The following SDK1 variants were observed in gnomAD, a reference collection of about 807,000 sequenced individuals.
SDK1 encodes protein sidekick-1.
SDK1 carries 157 observed loss-of-function variants against 245.5 expected under a neutral mutation model. The ratio of observed to expected loss-of-function variants is 0.64; its 90% CI spans 0.56 to 0.73. The LOEUF (loss-of-function observed/expected upper bound fraction) is 0.73, where lower values mean the gene tolerates loss of function less well. SDK1 is among the 30% of genes least tolerant of loss of function. The pLI is 0.00. For missense variants in SDK1, 3,583 were observed against 3,002.3 expected (o/e 1.19, Z -4.52); for synonymous variants, 1,647 against 1,278.5 (o/e 1.29, Z -6.15).
intron 17 of SDK1, among the ~76,000 whole-genome samples, chr7:4,029,987 T>C (rs1014483855): frequency 1.3e-5 from 2 of 152,210 alleles, no homozygotes; most frequent in Admixed American, 1.3e-4. Flanking sequence ...TTATAACACT[T>C]GGGGTTTACA....
chr7:3,812,837 C>A (rs1025218675), intron 4 of SDK1, among the ~76,000 whole-genome samples: 1 of 152,240 alleles, frequency 6.6e-6, no homozygotes, highest in Non-Finnish European at 1.5e-5. Flanking sequence ...TTGCCCAGGA[C>A]TTCTTGGTCT....
In SDK1 at chr7:3,723,611, G is replaced by A. The variant is rs542859789; in HGVS notation, c.713+81506G>A. ...AGTATATGTTGTTTTCTTTAATGAA[G>A]TTTAAAGAATTGGAAGAAGACATTT... On this transcript the variant is annotated intron_variant, in intron 4 of 44. Transcript: ENST00000404826. 1.1e-3 allele frequency among the ~76,000 whole-genome samples: 172 copies of A among 151,888 alleles called. 1 individual carries two copies. Among genetic ancestry groups the A allele is most frequent in the African/African-American group, 3.9e-3 (161 of 41,360 alleles).
intron 1 of SDK1, among the ~76,000 whole-genome samples, chr7:3,421,965 T>C (rs540661614): frequency 1.4e-4 from 21 of 151,928 alleles, no homozygotes; most frequent in African/African-American, 4.8e-4. Flanking sequence ...AGTCCAGGAG[T>C]TGTGAGATTC....
intron 44 of SDK1, among the ~76,000 whole-genome samples, chr7:4,252,229 C>A (rs561009825): frequency 1.4e-5 from 2 of 147,402 alleles, no homozygotes; most frequent in East Asian, 2.0e-4. Context: ...CACAACAGGC[C>A]CCAGTGTGTG....
chr7:3,448,717 CCTTT>C (rs1780420114), intron 1 of SDK1, among the ~76,000 whole-genome samples: 1 of 151,968 alleles, frequency 6.6e-6, no homozygotes, highest in Admixed American at 6.6e-5. Flanking sequence ...AATAAACCAC[CCTTT>C]CTTTCTGAAT....
rs545398474 is a variant in SDK1, at chr7:4,208,934, T to A, written c.5401+649T>A. Among the ~76,000 whole-genome samples, 7 of 152,356 alleles carry A rather than the reference T, an allele frequency of 4.6e-5. No homozygotes were observed. In the East Asian group the frequency reaches 1.2e-3, roughly 25 times the overall value. On this transcript the variant is annotated intron_variant, in intron 37 of 44. Transcript: ENST00000404826. ...TGTGAAGCTGCTTGGCCTTGGGCTC[T>A]GAGGAGCTCTCCAAGGCCCTCTGTA... is the stretch of plus-strand genomic sequence containing the variant.
intron 1 of SDK1, among the ~76,000 whole-genome samples, chr7:3,357,326 GTGTTTTTTTTTTTT>G (rs1402904180): frequency 0.12 from 5,743 of 49,574 alleles, 558 homozygotes; most frequent in Middle Eastern, 0.15. Context: ...CCTTCTTTTA[GTGTTTTTTTTTTTT>G]TTTTTTTTTT....
At chr7:3,572,875 A>G (rs1196047123) in intron 1 of SDK1, among the ~76,000 whole-genome samples, 3 of 152,092 alleles carry the variant, frequency 2.0e-5, no homozygotes, top group Non-Finnish European at 4.4e-5. Context: ...GGAGGAAGAG[A>G]TTCCTGGAAG....
At chr7:3,968,234 C>T (rs747521319) in intron 10 of SDK1, among the ~76,000 whole-genome samples, 1 of 152,200 alleles carries the variant, frequency 6.6e-6, no homozygotes, top group Non-Finnish European at 1.5e-5. Flanking sequence ...GACGCTTCAG[C>T]CCACTGTGGG....
At chr7:4,211,059 C>G (rs1218366096) in intron 38 of SDK1, among the ~76,000 whole-genome samples, 1 of 152,148 alleles carries the variant, frequency 6.6e-6, no homozygotes, top group Non-Finnish European at 1.5e-5. Context: ...GGCCACAGCA[C>G]ACGGGGCTAT....
chr7:3,613,940 A>G (rs946098614), intron 1 of SDK1, among the ~76,000 whole-genome samples: 5 of 152,166 alleles, frequency 3.3e-5, no homozygotes, highest in African/African-American at 1.2e-4. Context: ...ACATGGACAC[A>G]GAGAGGGGAA....
chr7:3,539,958 C>T (rs185038896), intron 1 of SDK1, among the ~76,000 whole-genome samples: 41 of 152,296 alleles, frequency 2.7e-4, no homozygotes, highest in Middle Eastern at 6.8e-3. Context: ...TGACATACCT[C>T]CTAATTTTTT....
chr7:3,450,132 G>A (rs1400299629), intron 1 of SDK1, among the ~76,000 whole-genome samples: 1 of 152,236 alleles, frequency 6.6e-6, no homozygotes, highest in African/African-American at 2.4e-5. Flanking sequence ...ATGGAAATGT[G>A]TGTGGTAAAG....
chr7:3,359,090 G>A (rs1423346660), intron 1 of SDK1, among the ~76,000 whole-genome samples: 6 of 152,164 alleles, frequency 3.9e-5, no homozygotes, highest in Non-Finnish European at 7.3e-5. Flanking sequence ...GAGACACAGC[G>A]TTAGTTTAAG....
chr7:4,148,306 A>G (rs980649308), intron 29 of SDK1, among the ~76,000 whole-genome samples: 4 of 152,216 alleles, frequency 2.6e-5, no homozygotes, highest in Non-Finnish European at 5.9e-5. Flanking sequence ...AGAATCAATA[A>G]TCTTCATGAT....
intron 4 of SDK1, among the ~76,000 whole-genome samples, chr7:3,716,865 G>A (rs1403663657): frequency 6.6e-6 from 1 of 151,746 alleles, no homozygotes; most frequent in East Asian, 1.9e-4. Context: ...ACAGAAAGAA[G>A]AAAATGATCA....
chr7:3,441,818 A>C (rs1204138493), intron 1 of SDK1, among the ~76,000 whole-genome samples: 1 of 152,172 alleles, frequency 6.6e-6, no homozygotes, highest in Non-Finnish European at 1.5e-5. Context: ...CTGCGTTTAA[A>C]ATGTAAACCA....
At chr7:3,346,213 C>T (rs867600470) in intron 1 of SDK1, among the ~76,000 whole-genome samples, 1 of 152,056 alleles carries the variant, frequency 6.6e-6, no homozygotes, top group Non-Finnish European at 1.5e-5. Context: ...GCTGATTGTG[C>T]CCTGCATGTG....
intron 36 of SDK1, among the ~76,000 whole-genome samples, chr7:4,207,739 A>AGTT (rs1784305548): frequency 1.3e-5 from 2 of 152,174 alleles, no homozygotes; most frequent in East Asian, 3.9e-4. Flanking sequence ...AAACACCAAC[A>AGTT]GAGCTAGGTC....
Sources: gnomAD v4.1 joint callset for allele counts (sites outside exome capture counted in the v4.1 genomes callset) on GRCh38, gnomAD v4.1.1 for gene constraint, MANE v1.5 for transcripts, NCBI Gene and HGNC (gene_info 2026-07-23, HGNC 2026-07-21) for gene names.